Variants in LARGE1 observed in about 807,000 individuals in gnomAD.
LARGE1 encodes xylosyl- and glucuronyltransferase LARGE1.
LARGE1 carries 43 observed loss-of-function variants against 87.6 expected under a neutral mutation model. The ratio of observed to expected loss-of-function variants is 0.49; its 90% CI spans 0.38 to 0.63. The LOEUF (loss-of-function observed/expected upper bound fraction) is 0.63, where lower values mean the gene tolerates loss of function less well. Ranked by LOEUF, LARGE1 falls within the 30% of genes least tolerant of loss-of-function variation. The pLI is 0.00. For missense variants in LARGE1, 802 were observed against 1,000.2 expected (o/e 0.80, Z 2.67); for synonymous variants, 434 against 394.6 (o/e 1.10, Z -1.18).
intron 2 of LARGE1, among the ~76,000 whole-genome samples, chr22:33,692,778 A>G (rs1487979236): frequency 6.6e-6 from 1 of 152,238 alleles, no homozygotes; most frequent in African/African-American, 2.4e-5. Context: ...ATGTAAGTAT[A>G]AATTCTCTGT....
At chr22:33,761,643 C>T in intron 1 of LARGE1, 85 bp from the exon 2 acceptor site, 9 of 676,758 alleles carry the variant, frequency 1.3e-5, no homozygotes, top group Non-Finnish European at 2.4e-5. Flanking sequence ...CTCATAGATC[C>T]TGAAAGGGGT....
At chr22:33,365,971 AT>A (rs1343779560) in intron 9 of LARGE1, among the ~76,000 whole-genome samples, 3 of 152,180 alleles carry the variant, frequency 2.0e-5, no homozygotes, top group Non-Finnish European at 4.4e-5. Flanking sequence ...ATGTGATTAA[AT>A]TTACGGATTC....
At chr22:33,126,090 G>C in the LARGE1 span, among the ~76,000 whole-genome samples, 1 of 152,200 alleles carries the variant, frequency 6.6e-6, no homozygotes, top group Non-Finnish European at 1.5e-5. Flanking sequence ...AGAAATCCTA[G>C]GGCTGGGGTT....
intron 11 of LARGE1, among the ~76,000 whole-genome samples, chr22:33,234,533 C>CTTTGTTTTGT (rs140006995): frequency 1.8e-4 from 28 of 151,568 alleles, no homozygotes; most frequent in African/African-American, 6.1e-4. Flanking sequence ...TTTTTTGTTT[C>CTTTGTTTTGT]TTTGTTTTGT....
At chr22:33,921,223 C>T (rs1004619042), upstream of LARGE1, among the ~76,000 whole-genome samples, 2 of 152,130 alleles carry the variant, frequency 1.3e-5, no homozygotes, top group Non-Finnish European at 2.9e-5. The surrounding 1 kb of genome is among the most constrained non-coding windows in gnomAD (Gnocchi z 4.1). Context: ...TTCTTCAGCT[C>T]GCTGGCTGGC....
intron 9 of LARGE1, among the ~76,000 whole-genome samples, chr22:33,381,377 T>G (rs1188119638): frequency 6.6e-6 from 1 of 152,280 alleles, no homozygotes; most frequent in East Asian, 1.9e-4. Context: ...ACCTACAGAG[T>G]GGTGATGAAA....
At chr22:33,902,522 G>A (rs76089993) in intron 1 of LARGE1, among the ~76,000 whole-genome samples, 4,853 of 152,172 alleles carry the variant, frequency 0.032, 85 homozygotes, top group Middle Eastern at 0.092. Flanking sequence ...AGCATTTTTC[G>A]CAAATCCACA....
At chr22:33,224,718 C>T (rs1925645842) in intron 11 of LARGE1, among the ~76,000 whole-genome samples, 1 of 152,084 alleles carries the variant, frequency 6.6e-6, no homozygotes, top group South Asian at 2.1e-4. Context: ...ACCTGCATGC[C>T]TTGTCAAAGG....
At chr22:33,389,465 C>T (rs1284228080) in intron 7 of LARGE1, among the ~76,000 whole-genome samples, 1 of 152,206 alleles carries the variant, frequency 6.6e-6, no homozygotes. Flanking sequence ...ATGTGTGACA[C>T]AGTGGTTGGG....
intron 9 of LARGE1, among the ~76,000 whole-genome samples, chr22:33,380,886 G>T (rs890927294): frequency 1.3e-5 from 2 of 152,196 alleles, no homozygotes; most frequent in Non-Finnish European, 2.9e-5. Context: ...TGAAATCTTC[G>T]TTCTGTTGAA....
intron 11 of LARGE1, among the ~76,000 whole-genome samples, chr22:33,202,626 T>C (rs1034896446): frequency 6.6e-6 from 1 of 152,212 alleles, no homozygotes; most frequent in Non-Finnish European, 1.5e-5. Flanking sequence ...ACAGTGCAGA[T>C]TGACAGTAGC....
At chr22:33,741,156 A>G (rs577241216) in intron 2 of LARGE1, among the ~76,000 whole-genome samples, 349 of 152,386 alleles carry the variant, frequency 2.3e-3, no homozygotes, top group African/African-American at 8.1e-3. Context: ...CTGAGCACGA[A>G]GGCCACACGT....
intron 11 of LARGE1, among the ~76,000 whole-genome samples, chr22:33,251,688 C>A (rs1927013824): frequency 6.6e-6 from 1 of 152,200 alleles, no homozygotes; most frequent in Non-Finnish European, 1.5e-5. Context: ...TATTTAGCTT[C>A]TTTCAAACCC....
chr22:33,870,734 A>G (rs1825256313), intron 1 of LARGE1, among the ~76,000 whole-genome samples: 1 of 151,948 alleles, frequency 6.6e-6, no homozygotes, highest in African/African-American at 2.4e-5. Context: ...ACACTCGTAA[A>G]ATTTTTGTAT....
intron 6 of LARGE1, among the ~76,000 whole-genome samples, chr22:33,561,705 G>T (rs1168006374): frequency 2.0e-5 from 3 of 152,208 alleles, no homozygotes; most frequent in Non-Finnish European, 4.4e-5. Context: ...TTTCTGCTAA[G>T]AATTGGTGGT....
At chr22:33,797,989 T>C (rs187382337) in intron 1 of LARGE1, among the ~76,000 whole-genome samples, 67 of 152,256 alleles carry the variant, frequency 4.4e-4, no homozygotes, top group Middle Eastern at 3.4e-3. Flanking sequence ...TACCTAGACA[T>C]TGGCCGGGTG....
intron 4 of LARGE1, among the ~76,000 whole-genome samples, chr22:33,623,037 C>T (rs1040827351): frequency 4.6e-5 from 7 of 152,150 alleles, no homozygotes; most frequent in African/African-American, 1.7e-4. Context: ...AATTTATACA[C>T]AACACCAGAG....
chr22:33,720,790 T>C (rs1476887472), intron 2 of LARGE1, among the ~76,000 whole-genome samples: 2 of 152,148 alleles, frequency 1.3e-5, no homozygotes, highest in African/African-American at 2.4e-5. Flanking sequence ...AAGCCACTGG[T>C]GGTTTAAGCA....
chr22:33,906,742 G>T (rs995147595), intron 1 of LARGE1, among the ~76,000 whole-genome samples: 8 of 151,910 alleles, frequency 5.3e-5, no homozygotes, highest in African/African-American at 1.5e-4. Flanking sequence ...TTACCTTCAG[G>T]GCCTCTGCAA....
Sources: allele counts gnomAD v4.1 joint callset (sites outside exome capture counted in the v4.1 genomes callset), GRCh38; gene constraint gnomAD v4.1.1; non-coding constraint Gnocchi (gnomAD v3.1); transcripts MANE v1.5; gene names NCBI Gene and HGNC (gene_info 2026-07-23, HGNC 2026-07-21).